Variants in RBM47 observed in about 807,000 individuals in gnomAD.
RBM47 encodes the protein RNA binding motif protein 47.
Under a neutral mutation model 47.1 loss-of-function variants are expected in RBM47, and 21 were observed. The observed-to-expected ratio is 0.45, with a 90% CI of 0.32 to 0.64. The LOEUF (loss-of-function observed/expected upper bound fraction) is 0.64. Among genes scored for constraint, RBM47 ranks in the 30% least tolerant of loss-of-function variants. The pLI is 0.05. For synonymous variants in RBM47, 375 were observed against 361.7 expected, an observed-to-expected ratio of 1.04 and a Z score of -0.42; for missense variants, 708 against 870.9, an observed-to-expected ratio of 0.81 and a Z score of 2.35.
chr4:40,438,083 G>C lies in RBM47; in HGVS notation c.811C>G (p.Pro271Ala). The C allele has an allele frequency of 6.2e-7, 1 of 1,613,870 alleles. No homozygotes were observed. Among genetic ancestry groups the C allele is most frequent in the African/African-American group, 1.3e-5 (1 of 75,034 alleles). ...TTCTTGACGCGCTCCACGCAGCCGG[G>C]GTTGAACTGGCCGAAGCTCTTCTTG... ...TIKKSFGQFNPGCVERVKKIR... is the reference protein window; with the variant it reads ...TIKKSFGQFNAGCVERVKKIR... The change falls in exon 4 of 7, where the codon CCC becomes GCC. Residue 271 changes from proline (P) to alanine (A), a missense_variant. By Grantham distance (27) the Pro-to-Ala change is conservative (BLOSUM62 -1). Transcript: ENST00000295971.
chr4:40,429,977 G>GA (rs1715677026), intron 6 of RBM47, among the ~76,000 whole-genome samples: 1 of 151,918 alleles, frequency 6.6e-6, no homozygotes, highest in Non-Finnish European at 1.5e-5. Context: ...GGCGGATCAT[G>GA]AAGTCAGGAG....
At chr4:40,434,039 G>A (rs1711880421) in intron 5 of RBM47, among the ~76,000 whole-genome samples, 1 of 139,740 alleles carries the variant, frequency 7.2e-6, no homozygotes, top group South Asian at 2.3e-4. Context: ...GTGTGTGTGT[G>A]TTGAAAGGAC....
At chr4:40,433,718 A>G (rs1324940826) in intron 5 of RBM47, among the ~76,000 whole-genome samples, 6 of 151,896 alleles carry the variant, frequency 4.0e-5, no homozygotes, top group Non-Finnish European at 4.4e-5. Context: ...CATCCTCCCC[A>G]CCCTGTATTT....
chr4:40,500,319 A>AG (rs1723187127), intron 2 of RBM47, among the ~76,000 whole-genome samples: 1 of 149,396 alleles, frequency 6.7e-6, no homozygotes, highest in African/African-American at 2.5e-5. Flanking sequence ...GTCCCCCCCC[A>AG]AAAAAAAAAG....
chr4:40,597,990 A>G (rs919714885), intron 1 of RBM47, among the ~76,000 whole-genome samples: 9 of 152,240 alleles, frequency 5.9e-5, no homozygotes, highest in African/African-American at 2.2e-4. Context: ...ACCAACTGCT[A>G]GCCTAACTCC....
chr4:40,534,921 C>CA (rs147248729), intron 2 of RBM47, among the ~76,000 whole-genome samples: 12,540 of 137,288 alleles, frequency 0.091, 994 homozygotes, highest in African/African-American at 0.23. Context: ...GGCGATGGAG[C>CA]AAGACTCCGT....
At chr4:40,604,383 G>C (rs1350656192) in intron 1 of RBM47, among the ~76,000 whole-genome samples, 1 of 152,202 alleles carries the variant, frequency 6.6e-6, no homozygotes, top group Non-Finnish European at 1.5e-5. Flanking sequence ...CCAACACTTT[G>C]GGAGGCTAAG....
At chr4:40,532,617 A>T (rs1727515714) in intron 2 of RBM47, among the ~76,000 whole-genome samples, 1 of 151,418 alleles carries the variant, frequency 6.6e-6, no homozygotes, top group Non-Finnish European at 1.5e-5. Flanking sequence ...GGCCTTTTTA[A>T]AAAAAATATT....
chr4:40,561,139 A>G (rs1280252650), intron 1 of RBM47, among the ~76,000 whole-genome samples: 1 of 151,872 alleles, frequency 6.6e-6, no homozygotes, highest in Non-Finnish European at 1.5e-5. Context: ...AAGAAGACTG[A>G]GGTCCAGAGA....
At position 40,436,511 on chromosome 4, in the gene RBM47, T is replaced by C; in HGVS notation, c.1260A>G (p.Glu420=). The change falls in exon 5 of 7, where the codon GAA becomes GAG. Residue 420 remains glutamate (E), a synonymous_variant. Transcript: ENST00000295971. ...AATTCGGCACCAGTTCATATCCTTTTTCTTGCTGCTTTCCTTTCCCTTCAT... is the reference window on the plus strand; with the variant it reads ...AATTCGGCACCAGTTCATATCCTTTCTCTTGCTGCTTTCCTTTCCCTTCAT... ...RYHEGKGKQQ[E]KGYELVPNLE... The C allele has an allele frequency of 4.3e-6, 7 of 1,614,210 alleles. No homozygotes were observed. Among genetic ancestry groups the C allele is most frequent in the African/African-American group, 1.3e-5 (1 of 75,050 alleles).
At chr4:40,457,084 C>A (rs984141212) in intron 3 of RBM47, among the ~76,000 whole-genome samples, 4 of 151,902 alleles carry the variant, frequency 2.6e-5, no homozygotes, top group African/African-American at 9.7e-5. Flanking sequence ...CAAACCAAAC[C>A]CAGAGAGTCC....
At position 40,432,828 on chromosome 4, in the gene RBM47, C is replaced by T. The variant is rs1389699224; in HGVS notation, c.1365G>A (p.Met455Ile). Residue 455 changes from methionine (M) to isoleucine (I), a missense_variant, in exon 6 of 7, where the codon ATG becomes ATA. Met to Ile is a conservative substitution (Grantham distance 10, BLOSUM62 1). Coordinates refer to ENST00000295971, the MANE Select transcript of RBM47 (RefSeq NM_001098634.2). ...AIPAIGAQYS[M>I]FPAAPAPKMI... ...TTTTAGGGGCTGGAGCTGCTGGAAA[C>T]ATGGAATACTGAGCCCCAATGGCAG... 63 of 1,613,534 alleles carry T rather than the reference C, an allele frequency of 3.9e-5. No homozygotes were observed. Among genetic ancestry groups the T allele is most frequent in the Non-Finnish European group, 5.2e-5 (61 of 1,179,922 alleles).
intron 1 of RBM47, among the ~76,000 whole-genome samples, chr4:40,621,287 C>T (rs1737242958): frequency 6.6e-6 from 1 of 152,228 alleles, no homozygotes; most frequent in Admixed American, 6.5e-5. Flanking sequence ...AGAGAGGGAA[C>T]TGTGCCTCCA....
intron 2 of RBM47, chr4:40,516,055 C>G (rs796092853): frequency 4.6e-5 from 7 of 152,512 alleles, no homozygotes; most frequent in African/African-American, 1.7e-4. Flanking sequence ...CCCCGCCCCC[C>G]AGCCCTGCCT....
chr4:40,629,773 A>C lies in RBM47; in HGVS notation c.-617T>G, dbSNP rs111730052. 103 of 152,286 alleles carry C rather than the reference A, an allele frequency of 6.8e-4. No homozygotes were observed. Among genetic ancestry groups the C allele is most frequent in the African/African-American group, 2.4e-3 (99 of 41,566 alleles). The allele number at this position is 152,286 out of a possible 1,614,324, so 9.4% of individuals were successfully genotyped here. ...GAAGTTCTCTCGGGCTCAGCTCCCG[A>C]GGCCGGGAGCGCGCGGCGGTTCCAC... On this transcript the variant is annotated 5_prime_UTR_variant, in exon 1 of 7. Transcript: ENST00000295971.
intron 2 of RBM47, among the ~76,000 whole-genome samples, chr4:40,501,516 G>A (rs1303123707): frequency 6.6e-6 from 1 of 152,196 alleles, no homozygotes; most frequent in Admixed American, 6.5e-5. Context: ...TAATACAAAA[G>A]CCACTGATAC....
At chr4:40,626,231 GT>G (rs1439139426) in intron 1 of RBM47, among the ~76,000 whole-genome samples, 1 of 152,182 alleles carries the variant, frequency 6.6e-6, no homozygotes, top group Non-Finnish European at 1.5e-5. Flanking sequence ...AGCTGTAATT[GT>G]TTTGTTTTGT....
At chr4:40,525,969 C>T (rs142852158) in intron 2 of RBM47, among the ~76,000 whole-genome samples, 113 of 152,262 alleles carry the variant, frequency 7.4e-4, no homozygotes, top group African/African-American at 2.5e-3. Flanking sequence ...CTTTAGCTGC[C>T]CATCCAATCT....
At chr4:40,450,591 ACT>A (rs1560375076) in intron 3 of RBM47, among the ~76,000 whole-genome samples, 4 of 151,774 alleles carry the variant, frequency 2.6e-5, no homozygotes, top group Non-Finnish European at 5.9e-5. Flanking sequence ...GACACACAAG[ACT>A]CTGTCTCAAA....
Sources: gnomAD v4.1 joint callset for allele counts (sites outside exome capture counted in the v4.1 genomes callset) on GRCh38, gnomAD v4.1.1 for gene constraint, MANE v1.5 for transcripts, NCBI Gene and HGNC (gene_info 2026-07-23, HGNC 2026-07-21) for gene names.